The following KATNIP variants were observed in gnomAD, a reference collection of about 807,000 sequenced individuals.
KATNIP encodes the protein katanin-interacting protein.
KATNIP carries 126 observed loss-of-function variants against 174.0 expected under a neutral mutation model. The observed-to-expected ratio is 0.72, with a 90% CI of 0.63 to 0.84. The LOEUF (loss-of-function observed/expected upper bound fraction) is 0.84. Ranked by LOEUF, KATNIP falls within the 40% of genes least tolerant of loss-of-function variation. The pLI is 0.00. For missense variants in KATNIP, 1,958 were observed against 2,109.7 expected (o/e 0.93, Z 1.41); for synonymous variants, 810 against 835.7 (o/e 0.97, Z 0.53).
chr16:27,709,321 T>TAA (rs544654938), intron 13 of KATNIP, among the ~76,000 whole-genome samples: 2,103 of 120,262 alleles, frequency 0.017, 51 homozygotes, highest in African/African-American at 0.061. Flanking sequence ...ACCCTGTCTC[T>TAA]AAAAAAAAAA....
intron 5 of KATNIP, among the ~76,000 whole-genome samples, chr16:27,647,801 C>T (rs1204721813): frequency 2.6e-5 from 4 of 152,104 alleles, no homozygotes; most frequent in East Asian, 1.9e-4. Context: ...CACCATGCCC[C>T]GCCACCTGGT....
intron 1 of KATNIP, among the ~76,000 whole-genome samples, chr16:27,560,563 G>C (rs761624573): frequency 6.6e-6 from 1 of 152,136 alleles, no homozygotes; most frequent in Non-Finnish European, 1.5e-5. Flanking sequence ...GGGGAGGTTG[G>C]CCATCTCTGG....
At chr16:27,731,862 C>A (rs1490859020) in intron 14 of KATNIP, among the ~76,000 whole-genome samples, 1 of 152,144 alleles carries the variant, frequency 6.6e-6, no homozygotes, top group Non-Finnish European at 1.5e-5. Flanking sequence ...CTCAGGTTAT[C>A]CACCCACCTT....
chr16:27,612,469 G>C (rs2075917597), intron 2 of KATNIP, among the ~76,000 whole-genome samples: 1 of 152,134 alleles, frequency 6.6e-6, no homozygotes, highest in African/African-American at 2.4e-5. Context: ...CAGAAATGCA[G>C]ACTTGGGGCC....
intron 1 of KATNIP, 74 bp from the exon 2 acceptor site, chr16:27,573,826 TA>T: frequency 7.2e-7 from 1 of 1,392,382 alleles, no homozygotes; most frequent in East Asian, 2.3e-5. Context: ...AGTTTGCAAA[TA>T]AAAATCTTTT....
chr16:27,616,079 A>C (rs2076026890), intron 2 of KATNIP, among the ~76,000 whole-genome samples: 1 of 152,212 alleles, frequency 6.6e-6, no homozygotes, highest in African/African-American at 2.4e-5. Context: ...AGTTAAAAAA[A>C]ACAGCAAATT....
At chr16:27,682,136 G>A (rs778940898) in intron 8 of KATNIP, among the ~76,000 whole-genome samples, 32 of 152,178 alleles carry the variant, frequency 2.1e-4, no homozygotes, top group Non-Finnish European at 4.7e-4. Flanking sequence ...TACTTCAGAT[G>A]AGTAATAATA....
intron 3 of KATNIP, 196 bp from the exon 4 acceptor site, chr16:27,628,465 G>A: frequency 1.7e-6 from 1 of 586,204 alleles, no homozygotes; most frequent in Non-Finnish European, 3.0e-6. Flanking sequence ...GCCCCAAACT[G>A]TCTGCCCCTC....
rs772610720 is a variant in KATNIP at position 27,628,768 on chromosome 16, C to T, written c.248C>T (p.Ser83Leu). 2 of 1,614,210 alleles carry T rather than the reference C, an allele frequency of 1.2e-6. No homozygotes were observed. The highest frequency in any genetic ancestry group is 1.7e-5 in the Admixed American group (1 of 60,020). The part of the protein sequence containing the change: ...VNGANSELKS[S>L]PRKAIHSDFS... ...GGTGCCAATTCGGAGCTGAAATCAT[C>T]ACCGCGGAAAGCTATTCACTCTGAC... Residue 83 changes from serine (S) to leucine (L), a missense_variant, in exon 4 of 28, where the codon TCA (serine) becomes TTA (leucine). Transcript: ENST00000261588.
At chr16:27,683,108 C>A (rs552429362) in intron 8 of KATNIP, among the ~76,000 whole-genome samples, 1 of 152,292 alleles carries the variant, frequency 6.6e-6, no homozygotes, top group East Asian at 1.9e-4. Context: ...AAGATTAAGG[C>A]ACTGGGATAG....
chr16:27,744,350 A>T (rs1325936808), intron 15 of KATNIP, among the ~76,000 whole-genome samples: 1 of 151,620 alleles, frequency 6.6e-6, no homozygotes, highest in Non-Finnish European at 1.5e-5. Flanking sequence ...ATATAGTAAG[A>T]CTCCATCTCT....
chr16:27,651,293 T>C (rs1258818775), intron 6 of KATNIP, among the ~76,000 whole-genome samples: 2 of 152,184 alleles, frequency 1.3e-5, no homozygotes, highest in Non-Finnish European at 2.9e-5. Context: ...TTCTTTTTTT[T>C]CCCCATCTTG....
chr16:27,563,061 C>T (rs1362024299), intron 1 of KATNIP, among the ~76,000 whole-genome samples: 1 of 152,222 alleles, frequency 6.6e-6, no homozygotes, highest in Admixed American at 6.5e-5. Context: ...ATTCTAGGCA[C>T]TATTCCAGGT....
intron 2 of KATNIP, among the ~76,000 whole-genome samples, chr16:27,590,742 G>A (rs984126120): frequency 2.6e-5 from 4 of 152,224 alleles, no homozygotes; most frequent in African/African-American, 9.6e-5. Context: ...CCTGGAGAAT[G>A]TGCTGCCTCT....
chr16:27,573,508 G>A (rs1332939066), intron 1 of KATNIP, among the ~76,000 whole-genome samples: 1 of 152,224 alleles, frequency 6.6e-6, no homozygotes, highest in Non-Finnish European at 1.5e-5. Flanking sequence ...ACGTTGGTAT[G>A]CTCTCATCAA....
At chr16:27,734,021 G>A (rs2143353779) in intron 14 of KATNIP, among the ~76,000 whole-genome samples, 1 of 152,162 alleles carries the variant, frequency 6.6e-6, no homozygotes, top group Admixed American at 6.5e-5. Flanking sequence ...CAGTGGAGGT[G>A]GAGGTGGGGG....
intron 1 of KATNIP, among the ~76,000 whole-genome samples, chr16:27,565,716 T>C (rs1299939773): frequency 6.6e-6 from 1 of 150,832 alleles, no homozygotes; most frequent in Non-Finnish European, 1.5e-5. Context: ...CCCAGGAGTT[T>C]GAGACTGCAG....
At chr16:27,610,017 G>A (rs2075842153) in intron 2 of KATNIP, among the ~76,000 whole-genome samples, 1 of 152,156 alleles carries the variant, frequency 6.6e-6, no homozygotes, top group Non-Finnish European at 1.5e-5. Context: ...GGACACTGGA[G>A]TGAGGAGGAG....
At chr16:27,676,601 T>C (rs1375347256) in intron 6 of KATNIP, among the ~76,000 whole-genome samples, 1 of 152,186 alleles carries the variant, frequency 6.6e-6, no homozygotes. Context: ...CTACATTGGA[T>C]ACTATATAGG....
Sources: gnomAD v4.1 joint callset for allele counts (sites outside exome capture counted in the v4.1 genomes callset) on GRCh38, gnomAD v4.1.1 for gene constraint, MANE v1.5 for transcripts, NCBI Gene and HGNC (gene_info 2026-07-23, HGNC 2026-07-21) for gene names.